Variants in MYO15A observed in about 807,000 individuals in gnomAD.
The protein encoded by MYO15A is myosin XVA.
A neutral mutation model predicts 394.6 loss-of-function variants in MYO15A; 308 were observed. The ratio of observed to expected loss-of-function variants is 0.78; its 90% CI spans 0.71 to 0.86. MYO15A has a LOEUF of 0.86. Ranked by LOEUF, MYO15A falls within the 40% of genes least tolerant of loss-of-function variation. MYO15A has a pLI of 0.00. For missense variants in MYO15A, 4,606 were observed against 4,799.1 expected (o/e 0.96, Z 1.19); for synonymous variants, 1,957 against 2,003.8 (o/e 0.98, Z 0.62).
At position 18,121,275 on chromosome 17, in the gene MYO15A, C is replaced by T. The variant is rs1398283913; in HGVS notation, c.2475C>T (p.Ala825=). ...CCCGCTCGCTGCAGGAGTCCCCAGCCCCACGCCGAGCCGCTGGGCGCCTGG... is the reference window on the plus strand; with the variant it reads ...CCCGCTCGCTGCAGGAGTCCCCAGCTCCACGCCGAGCCGCTGGGCGCCTGG... ...RRPRSLQESP[A]PRRAAGRLGP... Residue 825 remains alanine (A), a synonymous_variant, in exon 2 of 66, where the codon GCC becomes GCT. Coordinates refer to ENST00000647165, the MANE Select transcript of MYO15A (RefSeq NM_016239.4). The surrounding 1 kb of genome is among the most constrained non-coding windows in gnomAD (Gnocchi z 5.3). 12 of 1,384,580 alleles carry T rather than the reference C, an allele frequency of 8.7e-6. No homozygotes were observed. The highest frequency in any genetic ancestry group is 1.1e-5 in the Non-Finnish European group (12 of 1,074,130). The allele number at this position is 1,384,580 out of a possible 1,614,324, so 85.8% of individuals were successfully genotyped here.
chr17:18,151,085 C>T, intron 38 of MYO15A, 25 bp from the exon 39 acceptor site: 2 of 1,613,542 alleles, frequency 1.2e-6, no homozygotes, highest in Non-Finnish European at 1.7e-6. Context: ...CCAGGCAGCC[C>T]ACCCTCACGT....
intron 56 of MYO15A, 52 bp from the exon 57 acceptor site, chr17:18,161,265 C>A: frequency 6.2e-7 from 1 of 1,602,164 alleles, no homozygotes. Context: ...AGGCTCTTGG[C>A]ACACTCTAGT....
At chr17:18,131,648 G>GTATT in intron 10 of MYO15A, 117 bp downstream of exon 10, 2 of 1,219,368 alleles carry the variant, frequency 1.6e-6, no homozygotes, top group Non-Finnish European at 2.4e-6. Context: ...ACGAATACAT[G>GTATT]CGTACATGTG....
At chr17:18,171,398 A>G (rs1040757469) in intron 62 of MYO15A, among the ~76,000 whole-genome samples, 3 of 152,220 alleles carry the variant, frequency 2.0e-5, no homozygotes, top group African/African-American at 2.4e-5. Flanking sequence ...TGAACTTCTC[A>G]GAGCCTCAGT....
chr17:18,138,790 T>C, intron 17 of MYO15A, 21 bp from the exon 18 acceptor site: 2 of 1,613,200 alleles, frequency 1.2e-6, no homozygotes, highest in South Asian at 1.1e-5. Context: ...GCCCACCCAC[T>C]GATCCCTAAA....
intron 18 of MYO15A, chr17:18,139,188 G>A (rs554021381): frequency 3.2e-6 from 2 of 630,470 alleles, no homozygotes; most frequent in East Asian, 5.7e-5. Context: ...TTGATAAAGA[G>A]TAGCTCATCA....
chr17:18,159,187 G>C, intron 53 of MYO15A, 88 bp from the exon 54 acceptor site: 10 of 1,521,714 alleles, frequency 6.6e-6, no homozygotes, highest in Admixed American at 3.5e-5. Context: ...GGACCCTCCT[G>C]TTATCATATG....
chr17:18,151,511 C>T lies in MYO15A; in HGVS notation c.7771C>T (p.Arg2591Trp), dbSNP rs912072015. The part of the protein sequence containing the change: ...RQYQQPFRGG[R>W]PEALRKDGGK... ...GTACCAGCAGCCGTTCCGGGGAGGCCGGCCTGAGGCCCTCAGGTCAGCACT... is the reference window on the plus strand; with the variant it reads ...GTACCAGCAGCCGTTCCGGGGAGGCTGGCCTGAGGCCCTCAGGTCAGCACT... The change falls in exon 40 of 66, where the codon CGG becomes TGG. Residue 2591 changes from arginine to tryptophan, a missense_variant. Arg to Trp is a moderately radical substitution (Grantham distance 101, BLOSUM62 -3). Coordinates refer to ENST00000647165, the MANE Select transcript of MYO15A (RefSeq NM_016239.4). 2.5e-6 allele frequency: 4 copies of T among 1,614,176 alleles called. No individual in the cohort carries two copies. The highest frequency in any genetic ancestry group is 3.4e-6 in the Non-Finnish European group (4 of 1,180,046).
intron 13 of MYO15A, 69 bp downstream of exon 13, chr17:18,135,893 G>T (rs997527649): frequency 2.1e-6 from 3 of 1,422,440 alleles, no homozygotes; most frequent in African/African-American, 1.4e-5. Context: ...TGCTTGTGCC[G>T]ATCCTTTGTG....
In MYO15A at chr17:18,173,911, A is replaced by C; in HGVS notation, c.10481A>C (p.Gln3494Pro). ...GCGGCCCAGCGCACCTTGCAGCTGC[A>C]GCTGGAGCAGGTGGGCCCAGCGCTA... ...DVAAQRTLQL[Q>P]LEQGLELCRV... The change falls in exon 65 of 66, where the codon CAG becomes CCG. Residue 3494 changes from glutamine (Q) to proline (P), a missense_variant. By Grantham distance (76) the Gln-to-Pro change is moderately conservative. Coordinates refer to ENST00000647165, the MANE Select transcript of MYO15A (RefSeq NM_016239.4). 6.2e-7 allele frequency: 1 copy of C among 1,613,302 alleles called. No individual in the cohort carries two copies. Among genetic ancestry groups the C allele is most frequent in the East Asian group, 2.2e-5 (1 of 44,878 alleles).
chr17:18,173,524 A>G (rs936899472), intron 64 of MYO15A: 1 of 526,354 alleles, frequency 1.9e-6, no homozygotes, highest in African/African-American at 1.9e-5. Flanking sequence ...AAGCACTTAG[A>G]GCACTTAGAA....
chr17:18,140,899 G>C, intron 21 of MYO15A, 67 bp downstream of exon 21: 2 of 1,613,214 alleles, frequency 1.2e-6, no homozygotes, highest in African/African-American at 1.3e-5. Context: ...CCTTGGGCAA[G>C]TGGCTTGGCC....
rs2045802696 is a variant in MYO15A at position 18,117,267 on chromosome 17, A to T, written c.-219-1315A>T. On this transcript the variant is annotated intron_variant, in intron 1 of 65. Coordinates refer to ENST00000647165, the MANE Select transcript of MYO15A (RefSeq NM_016239.4). The surrounding 1 kb of genome is among the most constrained non-coding windows in gnomAD (Gnocchi z 4.1). ...GGAAAGTGAAGAGCCAGAGAAAGTG[A>T]GCAGGGGGAAGAGGCAGACAGAGAG... Among the ~76,000 whole-genome samples the T allele has an allele frequency of 6.6e-6, 1 of 152,142 alleles. No individual in the cohort carries two copies. The highest frequency in any genetic ancestry group is 1.5e-5 in the Non-Finnish European group (1 of 68,034).
chr17:18,149,138 A>G, intron 33 of MYO15A, 78 bp from the exon 34 acceptor site: 1 of 1,577,224 alleles, frequency 6.3e-7, no homozygotes, highest in Non-Finnish European at 8.7e-7. Flanking sequence ...GCCACTGAAT[A>G]CCAGGGTGCA....
At chr17:18,174,421 GTT>G (rs2046984946) in intron 65 of MYO15A, among the ~76,000 whole-genome samples, 1 of 152,118 alleles carries the variant, frequency 6.6e-6, no homozygotes, top group African/African-American at 2.4e-5. Context: ...GAGCCCAGAA[GTT>G]TGAGACCAGG....
chr17:18,149,198 T>C lies in MYO15A; in HGVS notation c.6957-18T>C. ...ATCTCTCTGGGGGTCAGTAGCTCCA[T>C]GTTCCTTTTCTCCACAGGGTGTTTG... On this transcript the variant is annotated intron_variant, in intron 33 of 65. Transcript: ENST00000647165. 1 of 1,613,850 alleles carries C rather than the reference T, an allele frequency of 6.2e-7. No homozygotes were observed. The highest frequency in any genetic ancestry group is 8.5e-7 in the Non-Finnish European group (1 of 1,179,840).
chr17:18,148,677 G>A lies in MYO15A; in HGVS notation c.6765-84G>A. 1 of 1,546,962 alleles carries A rather than the reference G, an allele frequency of 6.5e-7. No individual in the cohort carries two copies. ...TAGGGTCCATTCTGTTCATGTTTAG[G>A]GTCTGGCTTATAACCCAGGATCTCC... On this transcript the variant is annotated intron_variant, in intron 32 of 65. Transcript: ENST00000647165. This position sits in a 1 kb window ranked among gnomAD's most constrained non-coding sequence, Gnocchi z 4.8.
Position 18,148,983 on chromosome 17 carries a change from TGGCCACTCCCAGGCAGAAGGCC to T in MYO15A, c.6956+54_6956+75del, listed in dbSNP as rs770315108. 119 of 1,559,836 alleles carry T rather than the reference TGGCCACTCCCAGGCAGAAGGCC, an allele frequency of 7.6e-5. No homozygotes were observed. The highest frequency in any genetic ancestry group is 1.7e-4 in the Middle Eastern group (1 of 5,768). The stretch of plus-strand genomic sequence containing the variant: ...TAGCTATGGGGGACCCCCTCACAGA[TGGCCACTCCCAGGCAGAAGGCC>T]GGCCACTCCCAGGCAGAAGGCCTGC... On this transcript the variant is annotated intron_variant, in intron 33 of 65. Coordinates refer to ENST00000647165, the MANE Select transcript of MYO15A (RefSeq NM_016239.4). This position sits in a 1 kb window ranked among gnomAD's most constrained non-coding sequence, Gnocchi z 4.8.
rs552519943 is a variant in MYO15A at position 18,147,445 on chromosome 17, G to C, written c.6510-584G>C. On this transcript the variant is annotated intron_variant, in intron 30 of 65. Coordinates refer to ENST00000647165, the MANE Select transcript of MYO15A (RefSeq NM_016239.4). This position sits in a 1 kb window ranked among gnomAD's most constrained non-coding sequence, Gnocchi z 4.4. ...CCAGTGCTGCTCTTGGCCAGGCTTA[G>C]CTGCAGGAGATGTAGGATGTGGGGG... Among the ~76,000 whole-genome samples the C allele has an allele frequency of 1.5e-3, 235 of 152,314 alleles. No homozygotes were observed. Among genetic ancestry groups the C allele is most frequent in the Non-Finnish European group, 2.7e-3 (187 of 68,028 alleles).
Sources: allele counts gnomAD v4.1 joint callset (sites outside exome capture counted in the v4.1 genomes callset), GRCh38; gene constraint gnomAD v4.1.1; non-coding constraint Gnocchi (gnomAD v3.1); transcripts MANE v1.5; gene names NCBI Gene and HGNC (gene_info 2026-07-23, HGNC 2026-07-21).